HDAC9: variants seen among roughly 807,000 people sequenced by gnomAD.
HDAC9 encodes the protein MEF-2 interacting transcription repressor (MITR) protein.
A neutral mutation model predicts 139.4 loss-of-function variants in HDAC9; 41 were observed. The observed-to-expected ratio is 0.29, with a 90% CI of 0.23 to 0.38. The LOEUF is 0.38. Among genes scored for constraint, HDAC9 ranks in the 10% least tolerant of loss-of-function variants. The pLI, the probability that HDAC9 is intolerant of heterozygous loss-of-function variation, is 1.00. For synonymous variants in HDAC9, 517 were observed against 476.2 expected, an observed-to-expected ratio of 1.09 and a Z score of -1.12; for missense variants, 1,147 against 1,297.0, an observed-to-expected ratio of 0.88 and a Z score of 1.78.
Position 18,176,834 on chromosome 7 carries a change from G to A in HDAC9, c.25+14485G>A, listed in dbSNP as rs1360118411. 3.9e-5 allele frequency among the ~76,000 whole-genome samples: 6 copies of A among 152,016 alleles called. No homozygotes were observed. The South Asian group carries it at 1.2e-3, about 31-fold the overall frequency. Reference sequence around the variant, plus strand: ...TTCCTTTTTTATTAAAGAAGAGTTGGATGTATCTTACTTTGGCTTTATGTT... The same window carrying A: ...TTCCTTTTTTATTAAAGAAGAGTTGAATGTATCTTACTTTGGCTTTATGTT... On this transcript the variant is annotated intron_variant, in intron 2 of 12. Transcript: ENST00000417496.
chr7:18,922,637 T>C (rs1212287354), intron 22 of HDAC9, among the ~76,000 whole-genome samples: 1 of 152,060 alleles, frequency 6.6e-6, no homozygotes, highest in Non-Finnish European at 1.5e-5. Context: ...CTTTAAGAAA[T>C]ATGAGTTAGT....
At chr7:18,975,713 T>A in intron 24 of HDAC9, 93 bp from the exon 25 acceptor site, 1 of 1,236,288 alleles carries the variant, frequency 8.1e-7, no homozygotes, top group Non-Finnish European at 1.2e-6. Flanking sequence ...GAATTTTAAC[T>A]TAACAACTGC....
At chr7:18,206,421 A>T (rs1163526244) in intron 2 of HDAC9, among the ~76,000 whole-genome samples, 1 of 152,208 alleles carries the variant, frequency 6.6e-6, no homozygotes, top group Non-Finnish European at 1.5e-5. Flanking sequence ...TGTATTTACA[A>T]ATTAGGTCAG....
At chr7:18,993,270 G>A (rs929732767) in intron 25 of HDAC9, among the ~76,000 whole-genome samples, 1 of 152,168 alleles carries the variant, frequency 6.6e-6, no homozygotes, top group Non-Finnish European at 1.5e-5. Flanking sequence ...ACTTCACAGT[G>A]TATAAATCAT....
chr7:18,640,054 A>G (rs1785080723), intron 8 of HDAC9, among the ~76,000 whole-genome samples: 1 of 152,036 alleles, frequency 6.6e-6, no homozygotes, highest in African/African-American at 2.4e-5. Context: ...TTTGGAATAT[A>G]CAGTAAACTG....
intron 2 of HDAC9, among the ~76,000 whole-genome samples, chr7:18,224,972 G>C (rs971435292): frequency 6.6e-6 from 1 of 152,026 alleles, no homozygotes; most frequent in South Asian, 2.1e-4. Context: ...GCAAAGTAAA[G>C]ATGATGGAAG....
At chr7:18,471,205 C>T (rs1794697246) in intron 1 of HDAC9, among the ~76,000 whole-genome samples, 1 of 152,052 alleles carries the variant, frequency 6.6e-6, no homozygotes. Context: ...CTATAACCGG[C>T]ACAGGGCAGG....
chr7:18,332,440 T>C (rs1801004288), intron 1 of HDAC9, among the ~76,000 whole-genome samples: 1 of 151,378 alleles, frequency 6.6e-6, no homozygotes. Flanking sequence ...TCTCATCACT[T>C]AAGCTTGACT....
intron 2 of HDAC9, among the ~76,000 whole-genome samples, chr7:18,276,067 A>G (rs573462481): frequency 5.7e-4 from 87 of 152,352 alleles, no homozygotes; most frequent in Middle Eastern, 6.8e-3. Flanking sequence ...CTGTGTATCT[A>G]TAATGTAACA....
intron 1 of HDAC9, among the ~76,000 whole-genome samples, chr7:18,106,189 T>A (rs544244934): frequency 6.6e-6 from 1 of 152,302 alleles, no homozygotes; most frequent in Non-Finnish European, 1.5e-5. Flanking sequence ...ATTATATAGA[T>A]TAAAAGGGTA....
chr7:18,942,637 C>G (rs970515673), intron 23 of HDAC9, among the ~76,000 whole-genome samples: 1 of 151,938 alleles, frequency 6.6e-6, no homozygotes, highest in Admixed American at 6.6e-5. Flanking sequence ...CCCAGATAAT[C>G]AATAAACAAA....
chr7:18,414,840 G>A (rs745848213), intron 1 of HDAC9, among the ~76,000 whole-genome samples: 2 of 152,134 alleles, frequency 1.3e-5, no homozygotes, highest in African/African-American at 2.4e-5. Context: ...GGGAAGCAGA[G>A]GATGTTTGAT....
intron 9 of HDAC9, among the ~76,000 whole-genome samples, chr7:18,645,718 G>A (rs928967871): frequency 6.6e-6 from 1 of 152,038 alleles, no homozygotes; most frequent in Non-Finnish European, 1.5e-5. Flanking sequence ...TATATACAGG[G>A]GTCATATGAT....
chr7:18,251,327 G>C (rs527572098), intron 2 of HDAC9, among the ~76,000 whole-genome samples: 1 of 152,052 alleles, frequency 6.6e-6, no homozygotes, highest in South Asian at 2.1e-4. Flanking sequence ...GGACACACTG[G>C]GAGGAAACAG....
intron 1 of HDAC9, among the ~76,000 whole-genome samples, chr7:18,343,806 G>A (rs553217150): frequency 5.3e-5 from 8 of 151,754 alleles, no homozygotes; most frequent in South Asian, 2.1e-4. Context: ...TAGTAAATTC[G>A]CCTTTATATA....
chr7:18,233,433 C>T (rs772422981), intron 2 of HDAC9, among the ~76,000 whole-genome samples: 5 of 135,862 alleles, frequency 3.7e-5, no homozygotes, highest in Non-Finnish European at 8.4e-5. Context: ...CTTTTTGGGT[C>T]TTACTTGGTT....
At chr7:18,411,816 G>GC (rs1554407507) in intron 1 of HDAC9, among the ~76,000 whole-genome samples, 8 of 89,430 alleles carry the variant, frequency 8.9e-5, no homozygotes, top group Admixed American at 1.4e-4. Context: ...ATTTCAACTT[G>GC]CTTTTTTTTT....
chr7:18,734,957 T>C (rs1423249712), intron 13 of HDAC9, among the ~76,000 whole-genome samples: 2 of 152,232 alleles, frequency 1.3e-5, no homozygotes, highest in Non-Finnish European at 2.9e-5. Context: ...TATCTCATTG[T>C]GGTTTTGATT....
intron 24 of HDAC9, among the ~76,000 whole-genome samples, chr7:18,972,341 T>C (rs1784291352): frequency 6.6e-6 from 1 of 151,788 alleles, no homozygotes; most frequent in Non-Finnish European, 1.5e-5. Context: ...GAAATACTTT[T>C]AGTTAGCTCA....
Sources: allele counts gnomAD v4.1 joint callset (sites outside exome capture counted in the v4.1 genomes callset), GRCh38; gene constraint gnomAD v4.1.1; transcripts MANE v1.5; gene names NCBI Gene and HGNC (gene_info 2026-07-23, HGNC 2026-07-21).